CADPS2: variants seen among roughly 807,000 people sequenced by gnomAD.
The protein encoded by CADPS2 is calcium-dependent secretion activator 2.
CADPS2 carries 93 observed loss-of-function variants against 172.5 expected under a neutral mutation model. The ratio of observed to expected loss-of-function variants is 0.54; its 90% CI spans 0.46 to 0.64. CADPS2 has a LOEUF of 0.64. CADPS2 is among the 30% of genes least tolerant of loss of function. CADPS2 has a pLI of 0.00. For synonymous variants in CADPS2, 546 were observed against 555.2 expected, an observed-to-expected ratio of 0.98 and a Z score of 0.23; for missense variants, 1,420 against 1,565.9, an observed-to-expected ratio of 0.91 and a Z score of 1.57.
intron 5 of CADPS2, 28 bp from the exon 6 acceptor site, chr7:122,615,327 G>A: frequency 9.4e-6 from 13 of 1,375,778 alleles, no homozygotes; most frequent in Non-Finnish European, 1.2e-5. Context: ...TTAAAATAAT[G>A]CATCAAGTTG....
intron 4 of CADPS2, among the ~76,000 whole-genome samples, chr7:122,627,609 C>T (rs1042103738): frequency 1.9e-4 from 29 of 152,140 alleles, no homozygotes; most frequent in Non-Finnish European, 3.4e-4. Flanking sequence ...CCTGAGAATA[C>T]GTCTGAGTCT....
intron 2 of CADPS2, among the ~76,000 whole-genome samples, chr7:122,720,579 C>T (rs1158661131): frequency 6.7e-6 from 1 of 149,874 alleles, no homozygotes; most frequent in Non-Finnish European, 1.5e-5. Flanking sequence ...TATACATACA[C>T]ATGTATATGT....
chr7:122,577,919 T>A (rs1034918329), intron 7 of CADPS2, among the ~76,000 whole-genome samples: 2 of 152,020 alleles, frequency 1.3e-5, no homozygotes, highest in Non-Finnish European at 2.9e-5. Context: ...CAAATTTAAA[T>A]GCTACCCGAA....
At chr7:122,849,584 C>A (rs1481031440) in intron 1 of CADPS2, among the ~76,000 whole-genome samples, 1 of 152,184 alleles carries the variant, frequency 6.6e-6, no homozygotes, top group African/African-American at 2.4e-5. Flanking sequence ...AAAACAGAGT[C>A]TGTGCGTTAA....
chr7:122,483,993 G>C (rs1006415830), intron 11 of CADPS2, among the ~76,000 whole-genome samples: 6 of 152,146 alleles, frequency 3.9e-5, no homozygotes, highest in African/African-American at 1.4e-4. Flanking sequence ...GGTATTCACA[G>C]ATTGGAAGAC....
intron 8 of CADPS2, among the ~76,000 whole-genome samples, chr7:122,523,603 T>G (rs1586840839): frequency 6.6e-6 from 1 of 152,286 alleles, no homozygotes; most frequent in East Asian, 1.9e-4. Context: ...ATTTATGGTG[T>G]GCAACATGTT....
chr7:122,820,007 C>T (rs1478178511), intron 1 of CADPS2, among the ~76,000 whole-genome samples: 3 of 152,118 alleles, frequency 2.0e-5, no homozygotes, highest in African/African-American at 7.2e-5. Flanking sequence ...CCTTACAATT[C>T]CCCCATTTTA....
At chr7:122,372,719 T>C (rs1007197357) in intron 25 of CADPS2, among the ~76,000 whole-genome samples, 1 of 152,240 alleles carries the variant, frequency 6.6e-6, no homozygotes, top group African/African-American at 2.4e-5. Context: ...GATATAAAAA[T>C]GTCTACGACA....
intron 1 of CADPS2, among the ~76,000 whole-genome samples, chr7:122,820,440 CA>C (rs1802819008): frequency 1.3e-5 from 2 of 151,968 alleles, no homozygotes; most frequent in South Asian, 2.1e-4. Flanking sequence ...TACAAAACAA[CA>C]ACTCCTTTCC....
At position 122,722,245 on chromosome 7, in the gene CADPS2, T is replaced by A. The variant is rs1415509761; in HGVS notation, c.453+14710A>T. ...GGTATTCAATTAGGAAAAGAGGAAGTCAAATTGTCCCTGTTTGCAGATGAC... is the reference window on the plus strand; with the variant it reads ...GGTATTCAATTAGGAAAAGAGGAAGACAAATTGTCCCTGTTTGCAGATGAC... On this transcript the variant is annotated intron_variant, in intron 2 of 29. Transcript: ENST00000449022. Among the ~76,000 whole-genome samples, 3 of 152,018 alleles carry A rather than the reference T, an allele frequency of 2.0e-5. No homozygotes were observed. In the East Asian group the frequency reaches 5.8e-4, roughly 30 times the overall value.
intron 2 of CADPS2, among the ~76,000 whole-genome samples, chr7:122,692,145 T>C (rs908352115): frequency 2.6e-5 from 4 of 152,128 alleles, no homozygotes; most frequent in Non-Finnish European, 2.9e-5. Flanking sequence ...AGGACCAGGT[T>C]GTACACCAAC....
chr7:122,347,450 T>C (rs2037854457), intron 27 of CADPS2, among the ~76,000 whole-genome samples: 2 of 152,166 alleles, frequency 1.3e-5, no homozygotes, highest in Non-Finnish European at 2.9e-5. Context: ...CTGCAATCTC[T>C]TACTGTTCTT....
At chr7:122,715,210 T>G (rs1462921125) in intron 2 of CADPS2, among the ~76,000 whole-genome samples, 1 of 152,170 alleles carries the variant, frequency 6.6e-6, no homozygotes, top group Non-Finnish European at 1.5e-5. Context: ...TCAGGGATTG[T>G]CTGAGTTTTC....
chr7:122,740,478 G>A (rs1302946727), intron 1 of CADPS2, among the ~76,000 whole-genome samples: 2 of 152,066 alleles, frequency 1.3e-5, no homozygotes, highest in Non-Finnish European at 2.9e-5. Context: ...CGACTCCAAC[G>A]ATATGACATT....
At chr7:122,575,189 G>T (rs530184275) in intron 7 of CADPS2, among the ~76,000 whole-genome samples, 129 of 144,646 alleles carry the variant, frequency 8.9e-4, no homozygotes, top group African/African-American at 3.1e-3. Context: ...AAAAAAAAAA[G>T]GTGGTGGGAG....
intron 1 of CADPS2, among the ~76,000 whole-genome samples, chr7:122,806,545 T>C (rs1459583032): frequency 1.3e-5 from 2 of 152,188 alleles, no homozygotes; most frequent in Non-Finnish European, 1.5e-5. Flanking sequence ...AAAAAACAAA[T>C]TGACAATCAG....
At chr7:122,349,966 G>T (rs1245160434) in intron 27 of CADPS2, among the ~76,000 whole-genome samples, 13 of 152,122 alleles carry the variant, frequency 8.5e-5, no homozygotes, top group Non-Finnish European at 7.4e-5. Context: ...CACTGTCATG[G>T]TGCCTATTTA....
intron 1 of CADPS2, among the ~76,000 whole-genome samples, chr7:122,762,981 C>G (rs891559253): frequency 6.6e-6 from 1 of 151,934 alleles, no homozygotes; most frequent in Non-Finnish European, 1.5e-5. Context: ...AGGAGGCCTG[C>G]GAAGGTGACC....
intron 2 of CADPS2, among the ~76,000 whole-genome samples, chr7:122,692,383 T>A (rs1409232430): frequency 6.6e-6 from 1 of 152,180 alleles, no homozygotes; most frequent in African/African-American, 2.4e-5. Context: ...CTGCGCTGCA[T>A]CCTGCAGGGA....
Sources: allele counts gnomAD v4.1 joint callset (sites outside exome capture counted in the v4.1 genomes callset), GRCh38; gene constraint gnomAD v4.1.1; transcripts MANE v1.5; gene names NCBI Gene and HGNC (gene_info 2026-07-23, HGNC 2026-07-21).